The following RAPGEF1 variants were observed in gnomAD, a reference collection of about 807,000 sequenced individuals.
The protein encoded by RAPGEF1 is CRK SH3-binding GNRP.
In RAPGEF1, 33 loss-of-function variants were observed where a neutral mutation model predicts 143.3. That is an observed-to-expected ratio of 0.23 (90% CI 0.17 to 0.31). RAPGEF1 has a LOEUF of 0.31. RAPGEF1 is among the 10% of genes least tolerant of loss of function. The pLI is 1.00. For synonymous variants in RAPGEF1, 629 were observed against 676.5 expected (o/e 0.93, Z 1.09); for missense variants, 1,199 against 1,645.4 (o/e 0.73, Z 4.69).
At chr9:131,586,964 T>A (rs1405921929) in intron 22 of RAPGEF1, among the ~76,000 whole-genome samples, 1 of 52,998 alleles carries the variant, frequency 1.9e-5, no homozygotes, top group South Asian at 6.2e-4. Context: ...AGACTCCGTC[T>A]CAAACACACA....
At chr9:131,670,687 G>A (rs1388208907) in intron 1 of RAPGEF1, among the ~76,000 whole-genome samples, 1 of 152,218 alleles carries the variant, frequency 6.6e-6, no homozygotes, top group African/African-American at 2.4e-5. Context: ...CGGCCTCAAG[G>A]AAGAGGCCAA....
chr9:131,612,999 C>T (rs1958274193), intron 12 of RAPGEF1, among the ~76,000 whole-genome samples: 2 of 152,220 alleles, frequency 1.3e-5, no homozygotes, highest in South Asian at 4.1e-4. Flanking sequence ...ATCCCCTCTC[C>T]TCAGGGGACA....
At chr9:131,728,261 C>T (rs539517838) in intron 1 of RAPGEF1, among the ~76,000 whole-genome samples, 7 of 152,296 alleles carry the variant, frequency 4.6e-5, no homozygotes, top group Non-Finnish European at 8.8e-5. Context: ...ACTTTGTACA[C>T]GAGGACCTTG....
intron 1 of RAPGEF1, 33 bp downstream of exon 1, chr9:131,739,737 G>T: frequency 9.0e-7 from 1 of 1,110,688 alleles, no homozygotes; most frequent in Non-Finnish European, 1.1e-6. Context: ...GCCGGGCCCG[G>T]CCGGAGGGAG....
At chr9:131,619,972 C>T (rs990879006) in intron 11 of RAPGEF1, among the ~76,000 whole-genome samples, 1 of 152,166 alleles carries the variant, frequency 6.6e-6, no homozygotes, top group Non-Finnish European at 1.5e-5. Context: ...GGTTCGCTGG[C>T]TCTGTCTGCC....
At chr9:131,737,213 A>G (rs1837474772) in intron 1 of RAPGEF1, among the ~76,000 whole-genome samples, 1 of 152,156 alleles carries the variant, frequency 6.6e-6, no homozygotes, top group Admixed American at 6.5e-5. Flanking sequence ...CAGAACTCTT[A>G]CTTTTTCTGC....
chr9:131,581,570 A>G (rs1389627154), intron 25 of RAPGEF1, among the ~76,000 whole-genome samples: 1 of 151,902 alleles, frequency 6.6e-6, no homozygotes, highest in Non-Finnish European at 1.5e-5. Flanking sequence ...GTGGTTGCGC[A>G]TGCCTGTAGT....
At position 131,621,859 on chromosome 9, in the gene RAPGEF1, A is replaced by C; in HGVS notation, c.1842T>G (p.Ser614Arg). Residue 614 changes from serine to arginine, a missense_variant, in exon 11 of 27, where the codon AGT becomes AGG. Transcript: ENST00000683357. This position sits in a 1 kb window ranked among gnomAD's most constrained non-coding sequence, Gnocchi z 4.5. Reference sequence around the variant, plus strand: ...CCAGCTCCTGCACGGAGTCCACCCCACTGAAGGAGTCGCTGAAGCCGTATA... The same window carrying C: ...CCAGCTCCTGCACGGAGTCCACCCCCCTGAAGGAGTCGCTGAAGCCGTATA... ...MEVYGFSDSF[S>R]GVDSVQELAP... 1 of 1,612,258 alleles carries C rather than the reference A, an allele frequency of 6.2e-7. No homozygotes were observed. The highest frequency in any genetic ancestry group is 8.5e-7 in the Non-Finnish European group (1 of 1,179,200).
Position 131,604,007 on chromosome 9 carries a change from A to T in RAPGEF1, c.2366T>A (p.Leu789Gln). The part of the protein sequence containing the change: ...EEAGEGEYVN[L>Q]YSSGQSSEEL... ...CTCGCTGCTCTGGCCAGAGGAATAC[A>T]GATTGACATATTCACCCTCACCAGC... The change falls in exon 14 of 27, where the codon CTG (leucine) becomes CAG (glutamine). Residue 789 changes from leucine (L) to glutamine (Q), a missense_variant. Physicochemically the swap from Leu to Gln is moderately radical, Grantham distance 113 (BLOSUM62 -2). Transcript: ENST00000683357. The T allele has an allele frequency of 7.5e-7, 1 of 1,341,792 alleles. No individual in the cohort carries two copies. Among genetic ancestry groups the T allele is most frequent in the Non-Finnish European group, 9.9e-7 (1 of 1,008,094 alleles). The allele number at this position is 1,341,792 out of a possible 1,614,324, so 83.1% of individuals were successfully genotyped here. A position where few individuals can be genotyped will look rare whatever the true frequency, so the allele number is the denominator to read the frequency against.
chr9:131,687,225 C>T (rs1833421658), intron 1 of RAPGEF1, among the ~76,000 whole-genome samples: 1 of 152,196 alleles, frequency 6.6e-6, no homozygotes, highest in Non-Finnish European at 1.5e-5. Flanking sequence ...GAGTCTTGCC[C>T]TGTCCTCCCC....
Position 131,579,612 on chromosome 9 carries a change from T to A in RAPGEF1, c.3677A>T (p.Asn1226Ile). 1 of 1,613,952 alleles carries A rather than the reference T, an allele frequency of 6.2e-7. No homozygotes were observed. The highest frequency in any genetic ancestry group is 8.5e-7 in the Non-Finnish European group (1 of 1,179,860). The change falls in exon 27 of 27, where the codon AAC becomes ATC. Residue 1226 changes from asparagine to isoleucine, a missense_variant. Asn to Ile is a moderately radical substitution (Grantham distance 149). Transcript: ENST00000683357. The stretch of plus-strand genomic sequence containing the variant: ...GTGGTCACTGAAGTCATTGAAGAAG[T>A]TTATAATGTCGTCGTTCCTCCGCAT... Reference protein sequence around the residue: ...YDMRRNDDIINFFNDFSDHLA... With the variant: ...YDMRRNDDIIIFFNDFSDHLA...
At chr9:131,695,058 ACTGT>A (rs1834059164) in intron 1 of RAPGEF1, among the ~76,000 whole-genome samples, 1 of 147,972 alleles carries the variant, frequency 6.8e-6, no homozygotes, top group South Asian at 2.1e-4. Context: ...GATAATGTTG[ACTGT>A]CTATTGTGTA....
chr9:131,720,174 C>G (rs1836164054), intron 1 of RAPGEF1, among the ~76,000 whole-genome samples: 1 of 152,210 alleles, frequency 6.6e-6, no homozygotes, highest in African/African-American at 2.4e-5. Flanking sequence ...GCGTGAGCCA[C>G]CGTGCCCAGC....
intron 6 of RAPGEF1, 80 bp downstream of exon 6, chr9:131,630,156 C>G: frequency 2.3e-6 from 3 of 1,305,210 alleles, no homozygotes; most frequent in Non-Finnish European, 3.3e-6. Context: ...GCTGCCCACC[C>G]CACCGGGCCC....
chr9:131,667,674 G>T lies in RAPGEF1; in HGVS notation c.62-16725C>A, dbSNP rs1830652852. 6.6e-6 allele frequency among the ~76,000 whole-genome samples: 1 copy of T among 152,184 alleles called. No homozygotes were observed. Among genetic ancestry groups the T allele is most frequent in the African/African-American group, 2.4e-5 (1 of 41,444 alleles). The stretch of plus-strand genomic sequence containing the variant: ...CCATGTCCTATGGCTATGACATGGG[G>T]CAAACAGAAGTGGCACTCATCTCTA... On this transcript the variant is annotated intron_variant, in intron 1 of 26. Coordinates refer to ENST00000683357, the MANE Select transcript of RAPGEF1 (RefSeq NM_001377935.1). This position sits in a 1 kb window ranked among gnomAD's most constrained non-coding sequence, Gnocchi z 4.6.
In RAPGEF1 at chr9:131,650,391, G is replaced by A. The variant is rs1480018117; in HGVS notation, c.202-149C>T. 3.1e-6 allele frequency: 2 copies of A among 636,450 alleles called. No homozygotes were observed. The highest frequency in any genetic ancestry group is 5.4e-6 in the Non-Finnish European group (2 of 368,720). 39.4% of individuals were successfully genotyped at this position (636,450 alleles called of 1,614,324 possible). The stretch of plus-strand genomic sequence containing the variant: ...CTAACTCTTGAGGACATCTTTGGCT[G>A]TGTCTCAAGGGGTTTGCATGTTTCA... On this transcript the variant is annotated intron_variant, in intron 2 of 26. Transcript: ENST00000683357. The surrounding 1 kb of genome is among the most constrained non-coding windows in gnomAD (Gnocchi z 4.7).
At chr9:131,701,413 A>C (rs866823256) in intron 1 of RAPGEF1, among the ~76,000 whole-genome samples, 1 of 152,328 alleles carries the variant, frequency 6.6e-6, no homozygotes, top group Non-Finnish European at 1.5e-5. Context: ...TCTTTCACTT[A>C]AGAAAAAACC....
chr9:131,616,682 C>T (rs919714489), intron 12 of RAPGEF1, among the ~76,000 whole-genome samples: 5 of 152,154 alleles, frequency 3.3e-5, no homozygotes, highest in African/African-American at 9.7e-5. Context: ...GCTGTGTTTC[C>T]AAGGGGCACT....
chr9:131,606,853 G>A (rs770888790), intron 12 of RAPGEF1, among the ~76,000 whole-genome samples: 41 of 152,180 alleles, frequency 2.7e-4, no homozygotes, highest in Non-Finnish European at 4.3e-4. Flanking sequence ...TTGAACTCCT[G>A]AGCTCAAATG....
Sources: gnomAD v4.1 joint callset for allele counts (sites outside exome capture counted in the v4.1 genomes callset) on GRCh38, gnomAD v4.1.1 for gene constraint, Gnocchi (gnomAD v3.1) non-coding constraint, MANE v1.5 for transcripts, NCBI Gene and HGNC (gene_info 2026-07-23, HGNC 2026-07-21) for gene names.